The following GNRHR variants were observed in gnomAD, a reference collection of about 807,000 sequenced individuals.
GNRHR encodes gonadotropin releasing hormone receptor.
Under a neutral mutation model 28.1 loss-of-function variants are expected in GNRHR, and 14 were observed. The observed-to-expected ratio is 0.50, with a 90% CI of 0.33 to 0.78. The LOEUF is 0.78. Among genes scored for constraint, GNRHR ranks in the 30% least tolerant of loss-of-function variants. The pLI, the probability that GNRHR is intolerant of heterozygous loss-of-function variation, is 0.02. For synonymous variants in GNRHR, 141 were observed against 140.5 expected, an observed-to-expected ratio of 1.00 and a Z score of -0.02; for missense variants, 366 against 382.1, an observed-to-expected ratio of 0.96 and a Z score of 0.35.
In GNRHR at chr4:67,738,079, GTTTT is replaced by G. The variant is rs1448413623; in HGVS notation, c.*2397_*2400del. On this transcript the variant is annotated 3_prime_UTR_variant, in exon 3 of 3. Transcript: ENST00000226413. ...CATATAGAATAATTATTTGTGTTATGTTTTTTATTACATATTGAACCTTAAGAGA... is the reference window on the plus strand; with the variant it reads ...CATATAGAATAATTATTTGTGTTATGTTATTACATATTGAACCTTAAGAGA... 6.6e-6 allele frequency among the ~76,000 whole-genome samples: 1 copy of G among 151,642 alleles called. No homozygotes were observed. Among genetic ancestry groups the G allele is most frequent in the South Asian group, 2.1e-4 (1 of 4,820 alleles).
intron 1 of GNRHR, among the ~76,000 whole-genome samples, chr4:67,749,076 T>C (rs148058527): frequency 7.2e-5 from 11 of 152,294 alleles, no homozygotes; most frequent in South Asian, 4.1e-4. Flanking sequence ...GCATTATTTA[T>C]CATCATCAAC....
At chr4:67,743,125 G>A (rs1731690779) in intron 2 of GNRHR, among the ~76,000 whole-genome samples, 1 of 151,944 alleles carries the variant, frequency 6.6e-6, no homozygotes, top group Admixed American at 6.6e-5. Flanking sequence ...GCTAATTTTT[G>A]TATTTTTGGT....
rs1451891665 is a variant in GNRHR, at chr4:67,737,637, T to C, written c.*2843A>G. On this transcript the variant is annotated 3_prime_UTR_variant, in exon 3 of 3. Transcript: ENST00000226413. The stretch of plus-strand genomic sequence containing the variant: ...TGTGGTACCTTCCCCAGAGTATTTT[T>C]TTAGCTACTATATTTCTATATTTCT... Among the ~76,000 whole-genome samples, 3 of 152,028 alleles carry C rather than the reference T, an allele frequency of 2.0e-5. No individual in the cohort carries two copies. Among genetic ancestry groups the C allele is most frequent in the Non-Finnish European group, 4.4e-5 (3 of 67,906 alleles).
At chr4:67,745,905 A>G (rs1731745007) in intron 1 of GNRHR, among the ~76,000 whole-genome samples, 1 of 152,098 alleles carries the variant, frequency 6.6e-6, no homozygotes, top group African/African-American at 2.4e-5. Context: ...TGCACTCTCC[A>G]AAAATGTCAA....
At chr4:67,753,076 G>A (rs1731900962) in intron 1 of GNRHR, among the ~76,000 whole-genome samples, 1 of 152,198 alleles carries the variant, frequency 6.6e-6, no homozygotes, top group African/African-American at 2.4e-5. Flanking sequence ...TAACTAGGCT[G>A]CTTCTGGTGA....
chr4:67,742,029 T>C (rs112136381), intron 2 of GNRHR, among the ~76,000 whole-genome samples: 8 of 152,232 alleles, frequency 5.3e-5, no homozygotes. Flanking sequence ...ATTATTTCTT[T>C]TGCTGTGCAG....
intron 1 of GNRHR, among the ~76,000 whole-genome samples, chr4:67,748,599 T>C (rs1577870254): frequency 6.6e-6 from 1 of 151,898 alleles, no homozygotes; most frequent in East Asian, 1.9e-4. Context: ...CTGGGCAGAG[T>C]TGGGTAGAGT....
rs183815234 is a variant in GNRHR, at chr4:67,738,588, G to T, written c.*1892C>A. On this transcript the variant is annotated 3_prime_UTR_variant, in exon 3 of 3. Transcript: ENST00000226413. The stretch of plus-strand genomic sequence containing the variant: ...GTATCTGTACAAGTGTGTTATTTTT[G>T]ATTTTAAATCCAGAAGTAAGAATTA... Among the ~76,000 whole-genome samples the T allele has an allele frequency of 1.5e-3, 235 of 152,002 alleles. 1 individual carries two copies. In the Middle Eastern group the frequency reaches 0.017, roughly 11 times the overall value.
rs189760721 is a variant in GNRHR, at chr4:67,738,028, C to T, written c.*2452G>A. Among the ~76,000 whole-genome samples, 2 of 151,418 alleles carry T rather than the reference C, an allele frequency of 1.3e-5. No homozygotes were observed. The highest frequency in any genetic ancestry group is 4.8e-5 in the African/African-American group (2 of 41,384). The stretch of plus-strand genomic sequence containing the variant: ...ATTACATTATAATGTATAGATTATA[C>T]ATTATAATTTATGAACCATAATATT... On this transcript the variant is annotated 3_prime_UTR_variant, in exon 3 of 3. Transcript: ENST00000226413.
In GNRHR at chr4:67,737,145, T is replaced by C. The variant is rs769314534; in HGVS notation, c.*3335A>G. ...CACACATATAACATTTATTATGTTTTCTCTTAATACACATGCAATATGAGT... is the reference window on the plus strand; with the variant it reads ...CACACATATAACATTTATTATGTTTCCTCTTAATACACATGCAATATGAGT... On this transcript the variant is annotated 3_prime_UTR_variant, in exon 3 of 3. Coordinates refer to ENST00000226413, the MANE Select transcript of GNRHR (RefSeq NM_000406.3). 1.9e-4 allele frequency among the ~76,000 whole-genome samples: 29 copies of C among 152,200 alleles called. No homozygotes were observed. Among genetic ancestry groups the C allele is most frequent in the Admixed American group, 2.6e-4 (4 of 15,260 alleles).
chr4:67,748,726 A>T (rs919609086), intron 1 of GNRHR, among the ~76,000 whole-genome samples: 1 of 147,854 alleles, frequency 6.8e-6, no homozygotes, highest in Non-Finnish European at 1.5e-5. Context: ...TAATAATAAT[A>T]AAATAAATAA....
At chr4:67,743,617 CT>C (rs1332710014) in intron 2 of GNRHR, among the ~76,000 whole-genome samples, 1 of 152,052 alleles carries the variant, frequency 6.6e-6, no homozygotes, top group African/African-American at 2.4e-5. Flanking sequence ...CCTGCCTCTG[CT>C]TTTTTGTTTT....
At chr4:67,750,490 T>C (rs917425394) in intron 1 of GNRHR, among the ~76,000 whole-genome samples, 1 of 152,208 alleles carries the variant, frequency 6.6e-6, no homozygotes, top group Admixed American at 6.6e-5. Flanking sequence ...AAGAATTCTA[T>C]TACTAGCATA....
rs189157015 is a variant in GNRHR, at chr4:67,738,457, A to G, written c.*2023T>C. On this transcript the variant is annotated 3_prime_UTR_variant, in exon 3 of 3. Transcript: ENST00000226413. ...CCCTTTAGTTAATGTGTAAAAAAAAAAAATGCCTGAGGCAATTCCTAAGAC... is the reference window on the plus strand; with the variant it reads ...CCCTTTAGTTAATGTGTAAAAAAAAGAAATGCCTGAGGCAATTCCTAAGAC... Among the ~76,000 whole-genome samples the G allele has an allele frequency of 2.1e-3, 319 of 152,038 alleles. 1 individual carries two copies. The highest frequency in any genetic ancestry group is 7.5e-3 in the African/African-American group (313 of 41,538).
Position 67,754,303 on chromosome 4 carries a change from T to A in GNRHR, c.33A>T (p.Gln11His). The A allele has an allele frequency of 6.2e-7, 1 of 1,612,240 alleles. No homozygotes were observed. The highest frequency in any genetic ancestry group is 8.5e-7 in the Non-Finnish European group (1 of 1,179,716). Residue 11 changes from glutamine to histidine, a missense_variant, in exon 1 of 3, where the codon CAA (glutamine) becomes CAT (histidine). By Grantham distance (24) the Gln-to-His change is conservative. Transcript: ENST00000226413. ...TGTTGTTGATGGCTGAACAGTGATT[T>A]TGATTCTGTTCAGGAGAGGCACTGT... MANSASPEQN[Q>H]NHCSAINNSI... is the part of the protein sequence containing the mutation.
At chr4:67,747,333 C>A in intron 1 of GNRHR, 1 of 166,632 alleles carries the variant, frequency 6.0e-6, no homozygotes, top group Non-Finnish European at 1.3e-5. Flanking sequence ...TTGCTAACAC[C>A]ACAAAGGTCT....
At chr4:67,748,343 A>T (rs1307252180) in intron 1 of GNRHR, among the ~76,000 whole-genome samples, 1 of 152,158 alleles carries the variant, frequency 6.6e-6, no homozygotes, top group Non-Finnish European at 1.5e-5. Context: ...GAGTTAATAC[A>T]TGCAAAGCAC....
intron 1 of GNRHR, among the ~76,000 whole-genome samples, chr4:67,750,052 T>C (rs375333142): frequency 1.5e-4 from 23 of 152,176 alleles, no homozygotes; most frequent in East Asian, 1.3e-3. Flanking sequence ...TAAATTAGTA[T>C]TTAAAATTAA....
chr4:67,744,569 G>A lies in GNRHR; in HGVS notation c.741C>T (p.His247=), dbSNP rs373475233. ...TLTRVLHQDP[H]ELQLNQSKNN... ...ACACTAACTCTAAGGAATACATACC[G>A]TGGGGGTCCTGATGAAGGACCCGTG... The change falls in exon 2 of 3, where the codon CAC becomes CAT. Residue 247 remains histidine, a splice_region_variant and synonymous_variant. Transcript: ENST00000226413. 60 of 1,558,042 alleles carry A rather than the reference G, an allele frequency of 3.9e-5. No individual in the cohort carries two copies. Among genetic ancestry groups the A allele is most frequent in the Middle Eastern group, 1.7e-4 (1 of 5,946 alleles).
Sources: gnomAD v4.1 joint callset for allele counts (sites outside exome capture counted in the v4.1 genomes callset) on GRCh38, gnomAD v4.1.1 for gene constraint, MANE v1.5 for transcripts, NCBI Gene and HGNC (gene_info 2026-07-23, HGNC 2026-07-21) for gene names.